Variants in TENM3 observed in about 807,000 individuals in gnomAD.
TENM3 encodes the protein teneurin transmembrane protein 3.
Under a neutral mutation model 255.1 loss-of-function variants are expected in TENM3, and 63 were observed. The observed-to-expected ratio is 0.25, with a 90% CI of 0.20 to 0.30. The LOEUF is 0.30. TENM3 is among the 10% of genes least tolerant of loss of function. TENM3 has a pLI of 1.00. For synonymous variants in TENM3, 1,306 were observed against 1,322.3 expected (o/e 0.99, Z 0.27); for missense variants, 2,929 against 3,461.1 (o/e 0.85, Z 3.86).
the TENM3 span, among the ~76,000 whole-genome samples, chr4:181,605,492 AAGAAAG>A: frequency 1.2e-4 from 1 of 8,384 alleles, no homozygotes; most frequent in African/African-American, 3.9e-4. Context: ...GAAAGAAAGA[AAGAAAG>A]AAAGAAAGAA....
In TENM3 at chr4:182,789,158, C is replaced by T. The variant is rs576293347; in HGVS notation, c.5370C>T (p.Asp1790=). The T allele has an allele frequency of 6.5e-5, 105 of 1,612,480 alleles. 1 individual carries two copies. The highest frequency in any genetic ancestry group is 5.0e-4 in the Middle Eastern group (3 of 6,060). ...DRTTKTEKIY[D]DHRKFLLRIA... is the part of the protein sequence containing the mutation. ...CAACAAAGACAGAAAAGATCTATGACGACCACCGTAAATTTCTACTGAGGA... is the reference window on the plus strand; with the variant it reads ...CAACAAAGACAGAAAAGATCTATGATGACCACCGTAAATTTCTACTGAGGA... The change falls in exon 25 of 28, where the codon GAC becomes GAT. Residue 1790 remains aspartate, a synonymous_variant. Transcript: ENST00000511685. The surrounding 1 kb of genome is among the most constrained non-coding windows in gnomAD (Gnocchi z 4.4).
At chr4:181,992,093 C>A in the TENM3 span, among the ~76,000 whole-genome samples, 1 of 152,106 alleles carries the variant, frequency 6.6e-6, no homozygotes, top group Non-Finnish European at 1.5e-5. Context: ...ATCGATAGGG[C>A]ATGTAAAAGT....
chr4:181,464,516 G>T, the TENM3 span, among the ~76,000 whole-genome samples: 8 of 152,008 alleles, frequency 5.3e-5, no homozygotes, highest in Admixed American at 5.2e-4. Flanking sequence ...TAATTTTTTG[G>T]TTGCAAGAGT....
chr4:182,395,256 C>CT (rs1768729830), intron 3 of TENM3, among the ~76,000 whole-genome samples: 1 of 152,126 alleles, frequency 6.6e-6, no homozygotes, highest in Non-Finnish European at 1.5e-5. Context: ...TACAGCCTGG[C>CT]TTTTTCAGGA....
At chr4:182,753,869 G>C (rs149924047) in intron 21 of TENM3, among the ~76,000 whole-genome samples, 3 of 152,314 alleles carry the variant, frequency 2.0e-5, no homozygotes, top group African/African-American at 7.2e-5. Flanking sequence ...TAAAGTAGGA[G>C]CATGCAGGTA....
At chr4:181,451,058 A>G in the TENM3 span, among the ~76,000 whole-genome samples, 1 of 152,204 alleles carries the variant, frequency 6.6e-6, no homozygotes, top group Admixed American at 6.5e-5. Context: ...TGAAAAAACT[A>G]AAGTCCAACA....
At chr4:181,796,912 A>G in the TENM3 span, among the ~76,000 whole-genome samples, 1 of 152,120 alleles carries the variant, frequency 6.6e-6, no homozygotes, top group African/African-American at 2.4e-5. Flanking sequence ...TGTCAGAGCA[A>G]GTCTAGAAAC....
At chr4:182,139,741 G>T (rs1749263625), upstream of TENM3, among the ~76,000 whole-genome samples, 1 of 152,218 alleles carries the variant, frequency 6.6e-6, no homozygotes, top group South Asian at 2.1e-4. Context: ...AAAACCTGGG[G>T]TCTTTTATGA....
At chr4:182,144,540 C>G (rs974036035), upstream of TENM3, 5 of 150,092 alleles carry the variant, frequency 3.3e-5, no homozygotes, top group Non-Finnish European at 7.4e-5. Flanking sequence ...GTCCCCGGGC[C>G]GCGCGGCCGG....
chr4:182,171,628 C>T (rs1752112973), intron 1 of TENM3, among the ~76,000 whole-genome samples: 1 of 151,994 alleles, frequency 6.6e-6, no homozygotes, highest in Non-Finnish European at 1.5e-5. Context: ...AATTTATAAC[C>T]CAGATAGATT....
chr4:182,106,234 G>T, the TENM3 span, among the ~76,000 whole-genome samples: 1 of 152,202 alleles, frequency 6.6e-6, no homozygotes, highest in Non-Finnish European at 1.5e-5. Flanking sequence ...GGCTGAGGTG[G>T]GTGGATTGCT....
the TENM3 span, among the ~76,000 whole-genome samples, chr4:181,776,846 T>C: frequency 6.6e-6 from 1 of 152,136 alleles, no homozygotes; most frequent in Admixed American, 6.6e-5. Flanking sequence ...TTTGGATGAA[T>C]AGTTTGTGAA....
chr4:182,176,821 ATTT>A (rs529637466), intron 1 of TENM3, among the ~76,000 whole-genome samples: 13,442 of 113,584 alleles, frequency 0.12, 1,621 homozygotes, highest in East Asian at 0.29. Flanking sequence ...CATCCGGCTA[ATTT>A]TTTTTTTTTT....
chr4:181,540,578 C>T, the TENM3 span, among the ~76,000 whole-genome samples: 3 of 152,298 alleles, frequency 2.0e-5, no homozygotes, highest in East Asian at 3.9e-4. Flanking sequence ...GTTGGTAGCA[C>T]ATGCCCTTTC....
At chr4:182,060,187 T>C in the TENM3 span, among the ~76,000 whole-genome samples, 48 of 152,232 alleles carry the variant, frequency 3.2e-4, no homozygotes, top group African/African-American at 1.1e-3. Context: ...CAGTGAGCCA[T>C]GACTGCACCA....
At chr4:181,455,809 A>G in the TENM3 span, among the ~76,000 whole-genome samples, 1 of 151,976 alleles carries the variant, frequency 6.6e-6, no homozygotes, top group Non-Finnish European at 1.5e-5. Context: ...AACTTTTTCT[A>G]TATTAACGGC....
the TENM3 span, among the ~76,000 whole-genome samples, chr4:181,645,253 C>T: frequency 1.5e-4 from 23 of 152,164 alleles, no homozygotes; most frequent in African/African-American, 5.1e-4. Flanking sequence ...AGACCTGATT[C>T]TTCTACCTGG....
At chr4:182,365,534 T>C in intron 3 of TENM3, among the ~76,000 whole-genome samples, 1 of 152,242 alleles carries the variant, frequency 6.6e-6, no homozygotes. Flanking sequence ...CACTTTTTAC[T>C]ACAGATTCTA....
At chr4:182,097,341 C>T in the TENM3 span, among the ~76,000 whole-genome samples, 1 of 152,188 alleles carries the variant, frequency 6.6e-6, no homozygotes, top group Admixed American at 6.5e-5. Flanking sequence ...GCACCTCCCT[C>T]GGCTCTGCCC....
Sources: allele counts gnomAD v4.1 joint callset (sites outside exome capture counted in the v4.1 genomes callset), GRCh38; gene constraint gnomAD v4.1.1; non-coding constraint Gnocchi (gnomAD v3.1); transcripts MANE v1.5; gene names NCBI Gene and HGNC (gene_info 2026-07-23, HGNC 2026-07-21).